Variants in BTAF1 observed in about 807,000 individuals in gnomAD.
BTAF1 encodes TATA-binding protein-associated factor 172.
In BTAF1, 38 loss-of-function variants were observed where a neutral mutation model predicts 227.1. The observed-to-expected ratio is 0.17, with a 90% CI of 0.13 to 0.22. The LOEUF (loss-of-function observed/expected upper bound fraction) is 0.22, where lower values mean the gene tolerates loss of function less well. Among genes scored for constraint, BTAF1 ranks in the 10% least tolerant of loss-of-function variants. The pLI is 1.00. For synonymous variants in BTAF1, 742 were observed against 751.9 expected (o/e 0.99, Z 0.21); for missense variants, 1,598 against 2,204.0 (o/e 0.73, Z 5.51).
chr10:92,026,920 G>T (rs1851554227), intron 36 of BTAF1, among the ~76,000 whole-genome samples, 169 bp downstream of exon 36: 1 of 152,112 alleles, frequency 6.6e-6, no homozygotes, highest in Non-Finnish European at 1.5e-5. Context: ...TGCATTAAAT[G>T]AGGTGCTAGC....
chr10:91,927,398 G>T (rs1785316407), intron 1 of BTAF1, among the ~76,000 whole-genome samples: 1 of 151,930 alleles, frequency 6.6e-6, no homozygotes, highest in African/African-American at 2.4e-5. Flanking sequence ...TCAATTTTTT[G>T]ATCTAAGCTT....
At position 91,997,662 on chromosome 10, in the gene BTAF1, G is replaced by T. The variant is rs1030696901; in HGVS notation, c.3571G>T (p.Val1191Leu). ...ATATATTGTCCTTTTAGTTGTTCCT[G>T]TATTAGGAAGAATGAGTGATCAGAC... is the stretch of plus-strand genomic sequence containing the variant. ...VPYIVLLVVP[V>L]LGRMSDQTDS... is the part of the protein sequence containing the mutation. Residue 1191 changes from valine (V) to leucine (L), a missense_variant, in exon 25 of 38, where the codon GTA (valine) becomes TTA (leucine). Val to Leu is a conservative substitution (Grantham distance 32). Coordinates refer to ENST00000265990, the MANE Select transcript of BTAF1 (RefSeq NM_003972.3). The T allele has an allele frequency of 1.2e-6, 2 of 1,613,704 alleles. No homozygotes were observed. The highest frequency in any genetic ancestry group is 3.3e-5 in the Admixed American group (2 of 60,006).
At chr10:92,024,691 A>G in intron 34 of BTAF1, 65 bp from the exon 35 acceptor site, 1 of 1,321,086 alleles carries the variant, frequency 7.6e-7, no homozygotes, top group Admixed American at 2.1e-5. Flanking sequence ...GAGGAATGTC[A>G]CAGTGAGATT....
chr10:92,018,421 T>A (rs1276044858), intron 33 of BTAF1, among the ~76,000 whole-genome samples: 1 of 152,160 alleles, frequency 6.6e-6, no homozygotes, highest in Non-Finnish European at 1.5e-5. Flanking sequence ...AACTTTTGTA[T>A]CCAAAATGAT....
chr10:91,980,235 C>T (rs1044822728), intron 14 of BTAF1, among the ~76,000 whole-genome samples: 1 of 152,080 alleles, frequency 6.6e-6, no homozygotes, highest in African/African-American at 2.4e-5. Flanking sequence ...TTTCCAGCTT[C>T]CCAGTGATTA....
intron 34 of BTAF1, 49 bp from the exon 35 acceptor site, chr10:92,024,707 T>C: frequency 6.8e-7 from 1 of 1,465,088 alleles, no homozygotes; most frequent in Non-Finnish European, 9.3e-7. Flanking sequence ...AGATTAGTTT[T>C]CTGCTTTTAT....
chr10:91,955,304 C>A (rs926966118), intron 6 of BTAF1, among the ~76,000 whole-genome samples: 6 of 152,194 alleles, frequency 3.9e-5, no homozygotes, highest in African/African-American at 1.4e-4. Context: ...TATTAAATAC[C>A]TTCTATTTGC....
intron 35 of BTAF1, among the ~76,000 whole-genome samples, chr10:92,026,025 T>C (rs970527309): frequency 1.1e-4 from 17 of 152,214 alleles, no homozygotes; most frequent in Non-Finnish European, 2.2e-4. Context: ...AGAGCTATTG[T>C]AACAATTAAA....
At chr10:92,006,414 A>G (rs539381347) in intron 25 of BTAF1, among the ~76,000 whole-genome samples, 1 of 152,308 alleles carries the variant, frequency 6.6e-6, no homozygotes, top group East Asian at 1.9e-4. Context: ...ATTGAAATTC[A>G]TTGGTTGTCT....
intron 1 of BTAF1, among the ~76,000 whole-genome samples, chr10:91,934,920 TGG>T (rs1216628248): frequency 9.9e-5 from 15 of 152,170 alleles, no homozygotes. Flanking sequence ...ATTACATAGT[TGG>T]GGATATAATA....
chr10:91,923,947 G>C lies in BTAF1; in HGVS notation c.-130G>C. ...GATGCCCGAGGGCCTGCGCTGGAACGCCCCACGCCGCACCGGCCGCTCCCC... is the reference window on the plus strand; with the variant it reads ...GATGCCCGAGGGCCTGCGCTGGAACCCCCCACGCCGCACCGGCCGCTCCCC... On this transcript the variant is annotated 5_prime_UTR_variant, in exon 1 of 38. Transcript: ENST00000265990. 1 of 1,191,002 alleles carries C rather than the reference G, an allele frequency of 8.4e-7. No homozygotes were observed. 73.8% of individuals were successfully genotyped at this position (1,191,002 alleles called of 1,614,324 possible).
chr10:91,949,775 C>T (rs1218496904), intron 4 of BTAF1, among the ~76,000 whole-genome samples: 3 of 152,034 alleles, frequency 2.0e-5, no homozygotes, highest in Non-Finnish European at 2.9e-5. Context: ...GGGGTTTTCC[C>T]TTTCTAACTT....
At chr10:91,946,699 C>T (rs142950486) in intron 4 of BTAF1, among the ~76,000 whole-genome samples, 63 of 152,212 alleles carry the variant, frequency 4.1e-4, no homozygotes, top group East Asian at 7.7e-4. Flanking sequence ...TGTATACCTT[C>T]CTTAGAGAAA....
At chr10:92,000,543 T>G (rs1384170896) in intron 25 of BTAF1, among the ~76,000 whole-genome samples, 3 of 152,080 alleles carry the variant, frequency 2.0e-5, no homozygotes, top group African/African-American at 7.2e-5. Context: ...CTTTTGGGGT[T>G]TTCTTGGTTG....
At chr10:91,958,282 C>T (rs960333136) in intron 8 of BTAF1, among the ~76,000 whole-genome samples, 24 of 152,096 alleles carry the variant, frequency 1.6e-4, no homozygotes, top group African/African-American at 5.8e-4. Context: ...GCTTGAACTC[C>T]TGAGCTCAAG....
intron 14 of BTAF1, 133 bp from the exon 15 acceptor site, chr10:91,980,321 C>A: frequency 1.6e-6 from 1 of 610,606 alleles, no homozygotes; most frequent in Non-Finnish European, 2.8e-6. Flanking sequence ...AAGTTTATCA[C>A]CTGTTTAGCC....
intron 24 of BTAF1, 49 bp from the exon 25 acceptor site, chr10:91,997,554 A>C (rs746106451): frequency 1.0e-5 from 16 of 1,541,490 alleles, no homozygotes; most frequent in Middle Eastern, 1.7e-4. Flanking sequence ...TTGTTTGTGA[A>C]AACATCTGTC....
intron 14 of BTAF1, among the ~76,000 whole-genome samples, chr10:91,976,454 C>T (rs1847698999): frequency 6.6e-6 from 1 of 152,140 alleles, no homozygotes; most frequent in African/African-American, 2.4e-5. Flanking sequence ...AATTTTTTAG[C>T]CCTCTAATCA....
intron 14 of BTAF1, among the ~76,000 whole-genome samples, chr10:91,977,245 T>A (rs552098280): frequency 6.6e-6 from 1 of 152,306 alleles, no homozygotes; most frequent in South Asian, 2.1e-4. Flanking sequence ...TCATCAACTC[T>A]CCTTATTCTG....
Sources: allele counts gnomAD v4.1 joint callset (sites outside exome capture counted in the v4.1 genomes callset), GRCh38; gene constraint gnomAD v4.1.1; transcripts MANE v1.5; gene names NCBI Gene and HGNC (gene_info 2026-07-23, HGNC 2026-07-21).